WDR7: variants seen among roughly 807,000 people sequenced by gnomAD.
WDR7 encodes WD repeat domain 7.
WDR7 carries 46 observed loss-of-function variants against 169.4 expected under a neutral mutation model. The ratio of observed to expected loss-of-function variants is 0.27; its 90% CI spans 0.21 to 0.35. WDR7 has a LOEUF of 0.35. Ranked by LOEUF, WDR7 falls within the 10% of genes least tolerant of loss-of-function variation. WDR7 has a pLI of 1.00. For synonymous variants in WDR7, 612 were observed against 666.8 expected (o/e 0.92, Z 1.27); for missense variants, 1,534 against 1,859.3 (o/e 0.83, Z 3.22).
At chr18:56,680,330 C>T (rs1328269529) in intron 3 of WDR7, among the ~76,000 whole-genome samples, 3 of 152,124 alleles carry the variant, frequency 2.0e-5, no homozygotes, top group Admixed American at 1.3e-4. Flanking sequence ...TGCACTCCAG[C>T]CTGGGTGACA....
In WDR7 at chr18:56,665,543, T is replaced by A. The variant is rs1470902924; in HGVS notation, c.-19-6954T>A. On this transcript the variant is annotated intron_variant, in intron 1 of 27. Coordinates refer to ENST00000254442, the MANE Select transcript of WDR7 (RefSeq NM_015285.3). The stretch of plus-strand genomic sequence containing the variant: ...TCATTTCAGAATTATTCAAAGTGTG[T>A]GTGTACCCACTGTATATTTTGGTGT... 6.6e-5 allele frequency among the ~76,000 whole-genome samples: 10 copies of A among 152,214 alleles called. No homozygotes were observed. The East Asian group carries it at 1.5e-3, about 23-fold the overall frequency.
chr18:56,790,394 G>C (rs544606289), intron 19 of WDR7, among the ~76,000 whole-genome samples: 1 of 152,122 alleles, frequency 6.6e-6, no homozygotes, highest in Non-Finnish European at 1.5e-5. Context: ...TGATTGGATG[G>C]TATGTGTATT....
intron 26 of WDR7, among the ~76,000 whole-genome samples, chr18:57,006,041 A>G (rs538395202): frequency 6.6e-6 from 1 of 152,344 alleles, no homozygotes; most frequent in South Asian, 2.1e-4. Context: ...ACTTACTCCT[A>G]AAGGAAAATA....
intron 12 of WDR7, among the ~76,000 whole-genome samples, chr18:56,706,950 G>A (rs2025969833): frequency 6.9e-6 from 1 of 144,180 alleles, no homozygotes. Flanking sequence ...AGATTGCTGG[G>A]ATTACAGACA....
intron 1 of WDR7, among the ~76,000 whole-genome samples, chr18:56,666,208 T>TTTTA (rs1199865305): frequency 7.1e-6 from 1 of 141,714 alleles, no homozygotes; most frequent in Non-Finnish European, 1.5e-5. Flanking sequence ...CGTCTTTTTT[T>TTTTA]TTTTTTTTTT....
At chr18:56,831,455 G>A (rs539849432) in intron 20 of WDR7, among the ~76,000 whole-genome samples, 2 of 152,172 alleles carry the variant, frequency 1.3e-5, no homozygotes, top group African/African-American at 2.4e-5. Flanking sequence ...GGGGTAAGCA[G>A]TGGTCTAGGT....
rs552540560 is a variant in WDR7, at chr18:56,797,397, A to G, written c.3190+15741A>G. 8.5e-5 allele frequency among the ~76,000 whole-genome samples: 13 copies of G among 152,234 alleles called. No individual in the cohort carries two copies. The South Asian group carries it at 2.5e-3, about 29-fold the overall frequency. On this transcript the variant is annotated intron_variant, in intron 19 of 27. Transcript: ENST00000254442. ...CCTTCTAGTAGTTTACTAGAGATAA[A>G]TGGAAAACTTATCTCTAATTCTTCT...
At position 57,027,150 on chromosome 18, in the gene WDR7, C is replaced by A. The variant is rs768865513; in HGVS notation, c.4416C>A (p.Ser1472=). The part of the protein sequence containing the change: ...ALKLARLIWT[S]NRNVILMAHD... ...AGCTGGCCCGGCTCATCTGGACTTC[C>A]AACCGCAACGTCATCCTCATGGCCC... is the stretch of plus-strand genomic sequence containing the variant. The change falls in exon 28 of 28, where the codon TCC becomes TCA. Residue 1472 remains serine, a synonymous_variant. Coordinates refer to ENST00000254442, the MANE Select transcript of WDR7 (RefSeq NM_015285.3). 15 of 1,614,186 alleles carry A rather than the reference C, an allele frequency of 9.3e-6. No homozygotes were observed. The highest frequency in any genetic ancestry group is 1.3e-5 in the Non-Finnish European group (15 of 1,180,036).
intron 19 of WDR7, among the ~76,000 whole-genome samples, chr18:56,789,893 C>T (rs780686849): frequency 6.6e-5 from 10 of 152,178 alleles, no homozygotes; most frequent in Non-Finnish European, 1.5e-4. Context: ...TAAAAGAAAA[C>T]ACTCATTCAG....
chr18:56,795,481 C>G (rs2044568528), intron 19 of WDR7, among the ~76,000 whole-genome samples: 1 of 152,168 alleles, frequency 6.6e-6, no homozygotes, highest in Admixed American at 6.5e-5. Context: ...CTGATATTCC[C>G]CAATAAATTT....
chr18:56,857,782 C>T (rs1230956255), intron 20 of WDR7, among the ~76,000 whole-genome samples: 1 of 152,124 alleles, frequency 6.6e-6, no homozygotes, highest in Non-Finnish European at 1.5e-5. Context: ...TGCTGGGAGG[C>T]TTTGCATGAA....
chr18:56,830,922 G>T (rs1486035245), intron 20 of WDR7, among the ~76,000 whole-genome samples: 2 of 152,138 alleles, frequency 1.3e-5, no homozygotes, highest in African/African-American at 4.8e-5. Flanking sequence ...GGTCAGGCTG[G>T]TCTTGAACTC....
At chr18:56,659,882 A>G (rs1375693443) in intron 1 of WDR7, among the ~76,000 whole-genome samples, 2 of 152,058 alleles carry the variant, frequency 1.3e-5, no homozygotes, top group Non-Finnish European at 1.5e-5. Flanking sequence ...GTGTCACTCT[A>G]TATGCTGTGT....
At chr18:56,804,064 G>A (rs529273077) in intron 19 of WDR7, among the ~76,000 whole-genome samples, 1 of 152,292 alleles carries the variant, frequency 6.6e-6, no homozygotes, top group Admixed American at 6.5e-5. Context: ...CCAAAGTGCT[G>A]GGATTACAAA....
intron 1 of WDR7, among the ~76,000 whole-genome samples, chr18:56,671,316 A>G (rs929343092): frequency 1.3e-5 from 2 of 149,672 alleles, no homozygotes; most frequent in East Asian, 1.9e-4. Context: ...TTTTGAGACA[A>G]AGTTTCCTGT....
intron 1 of WDR7, among the ~76,000 whole-genome samples, chr18:56,668,262 T>C (rs1043328594): frequency 6.6e-6 from 1 of 152,228 alleles, no homozygotes; most frequent in Non-Finnish European, 1.5e-5. Flanking sequence ...TCTGCCTTTT[T>C]ACTTTAAATG....
chr18:56,791,564 C>T (rs1373360331), intron 19 of WDR7, among the ~76,000 whole-genome samples: 1 of 152,028 alleles, frequency 6.6e-6, no homozygotes, highest in African/African-American at 2.4e-5. Context: ...AAATACCAGT[C>T]AGAGAAACTA....
intron 7 of WDR7, among the ~76,000 whole-genome samples, chr18:56,688,396 G>C (rs1477256658): frequency 6.6e-6 from 1 of 151,930 alleles, no homozygotes. Context: ...CTTCCTTTGT[G>C]TTAAAATTTA....
chr18:56,742,237 G>C (rs1474383986), intron 14 of WDR7, among the ~76,000 whole-genome samples: 2 of 152,190 alleles, frequency 1.3e-5, no homozygotes, highest in Admixed American at 1.3e-4. Context: ...AAATCAAATA[G>C]TAGAAAGCTG....
Sources: allele counts gnomAD v4.1 joint callset (sites outside exome capture counted in the v4.1 genomes callset), GRCh38; gene constraint gnomAD v4.1.1; transcripts MANE v1.5; gene names NCBI Gene and HGNC (gene_info 2026-07-23, HGNC 2026-07-21).